BMAL1: variants seen among roughly 807,000 people sequenced by gnomAD.
The protein encoded by BMAL1 is basic helix-loop-helix ARNT-like protein 1.
At chr11:13,325,513 TA>T in the BMAL1 span, among the ~76,000 whole-genome samples, 4 of 152,160 alleles carry the variant, frequency 2.6e-5, no homozygotes, top group African/African-American at 9.7e-5. Flanking sequence ...GGTTTACAGA[TA>T]ACTGGGGTTC....
the BMAL1 span, among the ~76,000 whole-genome samples, chr11:13,314,851 A>G: frequency 6.6e-6 from 1 of 152,184 alleles, no homozygotes; most frequent in African/African-American, 2.4e-5. Context: ...TAAAGTCCCC[A>G]GTGAATACTG....
the BMAL1 span, among the ~76,000 whole-genome samples, chr11:13,382,490 T>TGGTGTCC: frequency 1.3e-5 from 2 of 152,184 alleles, no homozygotes; most frequent in African/African-American, 4.8e-5. Flanking sequence ...AGTCTGAGCT[T>TGGTGTCC]GGTGTCCCGT....
At chr11:13,384,828 T>C in the BMAL1 span, among the ~76,000 whole-genome samples, 1 of 152,232 alleles carries the variant, frequency 6.6e-6, no homozygotes, top group African/African-American at 2.4e-5. Context: ...AGCGGGTTTA[T>C]TACATTTAAG....
the BMAL1 span, among the ~76,000 whole-genome samples, chr11:13,300,509 T>C: frequency 4.6e-5 from 7 of 152,236 alleles, no homozygotes; most frequent in Non-Finnish European, 1.0e-4. Context: ...AGACTGTGTG[T>C]ATAAAAGTAA....
the BMAL1 span, among the ~76,000 whole-genome samples, chr11:13,309,710 G>T: frequency 1.3e-5 from 2 of 152,250 alleles, no homozygotes; most frequent in African/African-American, 4.8e-5. Context: ...ACAGTCTAGA[G>T]AAACCCCCTC....
At chr11:13,335,907 G>A in the BMAL1 span, among the ~76,000 whole-genome samples, 5 of 152,160 alleles carry the variant, frequency 3.3e-5, no homozygotes, top group African/African-American at 4.8e-5. Context: ...GGAATTATAA[G>A]TGTTGTAAGG....
At chr11:13,327,132 C>T in the BMAL1 span, among the ~76,000 whole-genome samples, 14 of 151,918 alleles carry the variant, frequency 9.2e-5, no homozygotes, top group African/African-American at 3.4e-4. Context: ...TAGCGGTTCA[C>T]TCATGTAATC....
At chr11:13,343,760 C>T in the BMAL1 span, among the ~76,000 whole-genome samples, 3 of 152,194 alleles carry the variant, frequency 2.0e-5, no homozygotes, top group Non-Finnish European at 2.9e-5. Flanking sequence ...AATCCCTCTA[C>T]CAACCCTCAG....
At chr11:13,311,932 C>A in the BMAL1 span, among the ~76,000 whole-genome samples, 1 of 152,178 alleles carries the variant, frequency 6.6e-6, no homozygotes, top group Admixed American at 6.5e-5. Flanking sequence ...CTTCTTACTA[C>A]AGAGTCTATC....
At chr11:13,311,880 A>C in the BMAL1 span, among the ~76,000 whole-genome samples, 1 of 152,222 alleles carries the variant, frequency 6.6e-6, no homozygotes, top group Non-Finnish European at 1.5e-5. Context: ...CATTTGTATA[A>C]GTTGGAGGAG....
At chr11:13,295,554 C>T in the BMAL1 span, among the ~76,000 whole-genome samples, 6 of 152,154 alleles carry the variant, frequency 3.9e-5, no homozygotes, top group East Asian at 1.9e-4. Context: ...TTGCGAGGGC[C>T]GAGCTTCTCC....
At chr11:13,367,727 AG>A in the BMAL1 span, among the ~76,000 whole-genome samples, 6 of 150,946 alleles carry the variant, frequency 4.0e-5, no homozygotes, top group Admixed American at 2.6e-4. Context: ...AAAAAAAAAA[AG>A]AATGAGAACA....
chr11:13,277,380 G>T, the BMAL1 span, among the ~76,000 whole-genome samples: 3 of 152,206 alleles, frequency 2.0e-5, 1 homozygote, highest in South Asian at 6.2e-4. Context: ...GGGCACCGCA[G>T]TGGCCGCGGC....
At chr11:13,351,245 T>C in the BMAL1 span, among the ~76,000 whole-genome samples, 4 of 152,126 alleles carry the variant, frequency 2.6e-5, no homozygotes, top group Non-Finnish European at 5.9e-5. Context: ...ACATTTGCTG[T>C]TTTTGGAATG....
At chr11:13,360,508 C>A in the BMAL1 span, 3 of 1,254,530 alleles carry the variant, frequency 2.4e-6, no homozygotes, top group Non-Finnish European at 3.4e-6. Context: ...TTTGATGTTT[C>A]AACACTGAGC....
the BMAL1 span, among the ~76,000 whole-genome samples, chr11:13,349,793 G>A: frequency 6.6e-6 from 1 of 152,090 alleles, no homozygotes; most frequent in South Asian, 2.1e-4. Flanking sequence ...GGTGAGTGCC[G>A]GTAGAGTGTG....
the BMAL1 span, among the ~76,000 whole-genome samples, chr11:13,333,502 A>T: frequency 3.3e-5 from 5 of 152,342 alleles, no homozygotes; most frequent in East Asian, 9.6e-4. Context: ...TGCAAAGTCC[A>T]TCCTCCTTCC....
chr11:13,357,999 A>G, the BMAL1 span, among the ~76,000 whole-genome samples: 1 of 152,226 alleles, frequency 6.6e-6, no homozygotes, highest in African/African-American at 2.4e-5. This position sits in a 1 kb window ranked among gnomAD's most constrained non-coding sequence, Gnocchi z 4.8. Flanking sequence ...TGCCCTGCCC[A>G]GGTCACATGG....
chr11:13,306,959 G>A, the BMAL1 span, among the ~76,000 whole-genome samples: 7 of 152,238 alleles, frequency 4.6e-5, no homozygotes, highest in African/African-American at 1.7e-4. Flanking sequence ...TCCCAGCGAA[G>A]GGGGAGAGCC....
Sources: gnomAD v4.1 joint callset for allele counts (sites outside exome capture counted in the v4.1 genomes callset) on GRCh38, gnomAD v4.1.1 for gene constraint, Gnocchi (gnomAD v3.1) non-coding constraint, MANE v1.5 for transcripts, NCBI Gene and HGNC (gene_info 2026-07-23, HGNC 2026-07-21) for gene names.